The following ITIH5 variants were observed in gnomAD, a reference collection of about 807,000 sequenced individuals.
ITIH5 encodes the protein inter-alpha-trypsin inhibitor heavy chain 5, also known as inter-alpha-trypsin inhibitor heavy chain H5.
ITIH5 carries 65 observed loss-of-function variants against 77.5 expected under a neutral mutation model. The ratio of observed to expected loss-of-function variants is 0.84; its 90% CI spans 0.69 to 1.03. The LOEUF is 1.03. Among genes scored for constraint, ITIH5 ranks in the 50% least tolerant of loss-of-function variants. The probability of loss-of-function intolerance (pLI) is 0.00; values close to 1 mark genes in which losing one functional copy is unlikely to be tolerated. For synonymous variants in ITIH5, 525 were observed against 494.3 expected (o/e 1.06, Z -0.82); for missense variants, 1,208 against 1,213.1 (o/e 1.00, Z 0.06).
At chr10:7,625,504 C>A (rs995662888) in intron 5 of ITIH5, among the ~76,000 whole-genome samples, 2 of 152,178 alleles carry the variant, frequency 1.3e-5, no homozygotes, top group African/African-American at 4.8e-5. Flanking sequence ...GTGGATCACA[C>A]CTGTAATCCC....
At chr10:7,574,380 G>A (rs957432897) in intron 10 of ITIH5, among the ~76,000 whole-genome samples, 2 of 152,130 alleles carry the variant, frequency 1.3e-5, no homozygotes, top group Non-Finnish European at 2.9e-5. Context: ...AAAGAGGATG[G>A]ATGACTGGAT....
chr10:7,637,117 C>A (rs556544760), intron 5 of ITIH5, 111 bp downstream of exon 5: 63 of 1,340,244 alleles, frequency 4.7e-5, no homozygotes, highest in Non-Finnish European at 6.1e-5. Context: ...TACAAAAATG[C>A]AAAGGCTTTG....
intron 9 of ITIH5, among the ~76,000 whole-genome samples, chr10:7,579,351 C>A (rs573438498): frequency 2.0e-5 from 3 of 152,268 alleles, no homozygotes; most frequent in African/African-American, 7.2e-5. Context: ...CATGGAGAAA[C>A]CTTGTCTCTA....
chr10:7,620,081 G>A (rs1283722017), intron 5 of ITIH5: 2 of 152,172 alleles, frequency 1.3e-5, no homozygotes, highest in South Asian at 2.1e-4. Context: ...TGAGGCAGGA[G>A]AATATCGCTT....
intron 5 of ITIH5, among the ~76,000 whole-genome samples, chr10:7,630,035 G>A (rs184482987): frequency 2.0e-4 from 31 of 152,216 alleles, no homozygotes; most frequent in Admixed American, 1.8e-3. Flanking sequence ...AAACTTAAAC[G>A]TCTATAAGTA....
rs1832431848 is a variant in ITIH5, at chr10:7,576,800, T to C, written c.1631A>G (p.Asp544Gly). Residue 544 changes from aspartate (D) to glycine (G), a missense_variant, in exon 10 of 14, where the codon GAT becomes GGT. Physicochemically the swap from Asp to Gly is moderately conservative, Grantham distance 94. Coordinates refer to ENST00000397146, the MANE Select transcript of ITIH5 (RefSeq NM_030569.7). ...NSKKFIILKT[D>G]VPVRPQKAGK... ...TGCCTTCTGAGGCCGCACAGGCACA[T>C]CTGTCTTCAGGATGATGAATTTCTT... The C allele has an allele frequency of 6.2e-7, 1 of 1,614,088 alleles. No individual in the cohort carries two copies. Among genetic ancestry groups the C allele is most frequent in the African/African-American group, 1.3e-5 (1 of 74,934 alleles).
At chr10:7,649,408 C>T (rs1484312976) in intron 2 of ITIH5, among the ~76,000 whole-genome samples, 1 of 151,810 alleles carries the variant, frequency 6.6e-6, no homozygotes, top group Non-Finnish European at 1.5e-5. Flanking sequence ...TTTTTACCTA[C>T]AGCTCTCAAG....
chr10:7,641,619 CGAG>C (rs1257729507), intron 3 of ITIH5, among the ~76,000 whole-genome samples: 6 of 129,336 alleles, frequency 4.6e-5, no homozygotes, highest in African/African-American at 1.2e-4. Flanking sequence ...GGGAGAGAGA[CGAG>C]GAGGGAAGGA....
In ITIH5 at chr10:7,561,931, C is replaced by T. The variant is rs1020201550; in HGVS notation, c.*1152G>A. On this transcript the variant is annotated 3_prime_UTR_variant, in exon 14 of 14. Transcript: ENST00000397146. ...TATCCGTCCGCTGAAGGGTGACGTT[C>T]ATTGACTCTGGAAGTCCCCTCTCAT... is the stretch of plus-strand genomic sequence containing the variant. The T allele has an allele frequency of 3.3e-5, 5 of 152,182 alleles. No individual in the cohort carries two copies. Among genetic ancestry groups the T allele is most frequent in the African/African-American group, 1.2e-4 (5 of 41,426 alleles). The allele number at this position is 152,182 out of a possible 1,614,324, so 9.4% of individuals were successfully genotyped here.
intron 5 of ITIH5, among the ~76,000 whole-genome samples, chr10:7,628,683 G>T (rs1833632311): frequency 8.1e-6 from 1 of 123,806 alleles, no homozygotes; most frequent in African/African-American, 2.6e-5. Flanking sequence ...CCATGTTGTA[G>T]CGTGTGTCCA....
chr10:7,653,363 C>T (rs1269364690), intron 2 of ITIH5, among the ~76,000 whole-genome samples: 2 of 152,004 alleles, frequency 1.3e-5, no homozygotes, highest in Non-Finnish European at 2.9e-5. Flanking sequence ...TACACCACCA[C>T]GCTTGGCAAA....
chr10:7,585,768 T>A, intron 8 of ITIH5, 133 bp downstream of exon 8: 1 of 714,354 alleles, frequency 1.4e-6, no homozygotes, highest in Non-Finnish European at 2.2e-6. Context: ...GAGAAAGCTC[T>A]CGCCTGCAGT....
chr10:7,589,774 T>C (rs1832756011), intron 7 of ITIH5, among the ~76,000 whole-genome samples: 3 of 151,806 alleles, frequency 2.0e-5, no homozygotes, highest in Non-Finnish European at 4.4e-5. Context: ...CCCATGCAAA[T>C]AAACAGAATC....
At chr10:7,659,119 G>A (rs370899277) in intron 1 of ITIH5, among the ~76,000 whole-genome samples, 1 of 152,180 alleles carries the variant, frequency 6.6e-6, no homozygotes, top group East Asian at 1.9e-4. Context: ...GCTCATGCCT[G>A]TAATCCCAGC....
intron 5 of ITIH5, chr10:7,617,878 T>A (rs1833400562): frequency 1.3e-5 from 2 of 152,224 alleles, no homozygotes; most frequent in Admixed American, 1.3e-4. Flanking sequence ...CCATTTTTAT[T>A]TCTTGCTTCT....
In ITIH5 at chr10:7,657,159, C is replaced by T. The variant is rs1282256830; in HGVS notation, c.91-1484G>A. Among the ~76,000 whole-genome samples, 3 of 151,298 alleles carry T rather than the reference C, an allele frequency of 2.0e-5. No homozygotes were observed. In the East Asian group the frequency reaches 5.8e-4, roughly 29 times the overall value. On this transcript the variant is annotated intron_variant, in intron 1 of 13. Coordinates refer to ENST00000397146, the MANE Select transcript of ITIH5 (RefSeq NM_030569.7). ...TCCCGGGTTCAAGCGATTCCCCTGC[C>T]TTAGCCTCCTGAGTAGCTGGGACTA...
At chr10:7,584,299 C>CT (rs59425820) in intron 8 of ITIH5, among the ~76,000 whole-genome samples, 41,454 of 141,056 alleles carry the variant, frequency 0.29, 6,350 homozygotes, top group East Asian at 0.53. Flanking sequence ...TTCTTTCTTT[C>CT]TTTTTTTTTT....
chr10:7,584,600 C>T (rs559631749), intron 8 of ITIH5, among the ~76,000 whole-genome samples: 35 of 152,208 alleles, frequency 2.3e-4, no homozygotes, highest in Non-Finnish European at 3.4e-4. Context: ...CCACCCCACC[C>T]GGCCCAGCCA....
intron 1 of ITIH5, among the ~76,000 whole-genome samples, chr10:7,656,463 C>T (rs900876453): frequency 1.3e-5 from 2 of 152,154 alleles, no homozygotes; most frequent in African/African-American, 2.4e-5. Flanking sequence ...GAACTTCTCA[C>T]CTCAGCCTCT....
Sources: gnomAD v4.1 joint callset for allele counts (sites outside exome capture counted in the v4.1 genomes callset) on GRCh38, gnomAD v4.1.1 for gene constraint, MANE v1.5 for transcripts, NCBI Gene and HGNC (gene_info 2026-07-23, HGNC 2026-07-21) for gene names.